Variants in FHIT observed in about 807,000 individuals in gnomAD.
FHIT encodes bis(5'-adenosyl)-triphosphatase.
Under a neutral mutation model 17.9 loss-of-function variants are expected in FHIT, and 19 were observed. That is an observed-to-expected ratio of 1.06 (90% CI 0.74 to 1.56). FHIT has a LOEUF of 1.56. Among genes scored for constraint, FHIT ranks in the 40% most tolerant of loss-of-function variants. The probability of loss-of-function intolerance (pLI) is 0.00; values close to 1 mark genes in which losing one functional copy is unlikely to be tolerated. For missense variants in FHIT, 248 were observed against 189.2 expected, an observed-to-expected ratio of 1.31 and a Z score of -1.82; for synonymous variants, 81 against 69.7, an observed-to-expected ratio of 1.16 and a Z score of -0.81.
At chr3:60,206,057 C>T (rs534020087) in intron 5 of FHIT, among the ~76,000 whole-genome samples, 12 of 149,848 alleles carry the variant, frequency 8.0e-5, no homozygotes, top group Non-Finnish European at 1.6e-4. Context: ...GGCGTGAACC[C>T]GGGAGGCGGA....
chr3:61,195,498 C>T (rs959018206), intron 2 of FHIT, among the ~76,000 whole-genome samples: 14 of 152,000 alleles, frequency 9.2e-5, no homozygotes, highest in African/African-American at 3.1e-4. Flanking sequence ...ATGGTAATTA[C>T]GGTAATGATA....
intron 3 of FHIT, among the ~76,000 whole-genome samples, chr3:60,925,538 C>T (rs1471660955): frequency 6.6e-6 from 1 of 152,190 alleles, no homozygotes; most frequent in Admixed American, 6.5e-5. Flanking sequence ...CCAGGCCTGC[C>T]TTACAAGAGC....
intron 8 of FHIT, among the ~76,000 whole-genome samples, chr3:59,788,474 G>A (rs1422228441): frequency 6.6e-6 from 1 of 152,156 alleles, no homozygotes; most frequent in Non-Finnish European, 1.5e-5. Flanking sequence ...TGCACATGCT[G>A]TTCCTCTGCC....
intron 4 of FHIT, among the ~76,000 whole-genome samples, chr3:60,701,477 C>T (rs1000889415): frequency 2.0e-5 from 3 of 151,708 alleles, no homozygotes; most frequent in African/African-American, 2.4e-5. Flanking sequence ...GATAGGGGGT[C>T]GGAAAGGGGG....
At chr3:60,384,994 G>T (rs1469158459) in intron 5 of FHIT, among the ~76,000 whole-genome samples, 6 of 152,046 alleles carry the variant, frequency 3.9e-5, no homozygotes, top group African/African-American at 7.2e-5. Context: ...GGCCTTCTAA[G>T]CAGAAAAAAT....
intron 7 of FHIT, among the ~76,000 whole-genome samples, chr3:59,986,540 T>TATATATACACACACACAC (rs1473518719): frequency 1.9e-3 from 23 of 12,372 alleles, no homozygotes; most frequent in Non-Finnish European, 5.4e-4. Flanking sequence ...TATATATATA[T>TATATATACACACACACAC]ACACACACAC....
At chr3:60,477,706 G>A (rs142307735) in intron 5 of FHIT, among the ~76,000 whole-genome samples, 1 of 152,316 alleles carries the variant, frequency 6.6e-6, no homozygotes, top group East Asian at 1.9e-4. Context: ...GTATAGGCAT[G>A]TAGATATAAA....
intron 5 of FHIT, among the ~76,000 whole-genome samples, chr3:60,067,564 CAGGTACT>C (rs1702571241): frequency 6.6e-6 from 1 of 152,188 alleles, no homozygotes; most frequent in African/African-American, 2.4e-5. Flanking sequence ...AGAGAGCCCA[CAGGTACT>C]ATCTGGCTCA....
At chr3:60,995,195 C>T (rs918025932) in intron 3 of FHIT, among the ~76,000 whole-genome samples, 1 of 152,048 alleles carries the variant, frequency 6.6e-6, no homozygotes, top group African/African-American at 2.4e-5. Flanking sequence ...GTGGCAGGCG[C>T]CTGAGTCCCA....
chr3:60,021,868 G>A (rs1272672884), intron 5 of FHIT, among the ~76,000 whole-genome samples: 2 of 152,094 alleles, frequency 1.3e-5, no homozygotes, highest in Admixed American at 6.6e-5. Context: ...CTGCTTCCAC[G>A]GGATGCTGTT....
chr3:60,989,595 TC>T (rs1237905873), intron 3 of FHIT, among the ~76,000 whole-genome samples: 1 of 152,188 alleles, frequency 6.6e-6, no homozygotes, highest in Non-Finnish European at 1.5e-5. Context: ...GGTTAGTAAA[TC>T]TTTGAAGTTC....
intron 5 of FHIT, among the ~76,000 whole-genome samples, chr3:60,225,830 C>A (rs544394852): frequency 6.6e-6 from 1 of 152,232 alleles, no homozygotes; most frequent in South Asian, 2.1e-4. Context: ...AGACAGAATA[C>A]AGCATTCTCT....
intron 4 of FHIT, among the ~76,000 whole-genome samples, chr3:60,801,334 T>C (rs556453115): frequency 1.3e-5 from 2 of 152,316 alleles, no homozygotes; most frequent in South Asian, 4.1e-4. Context: ...GCAAGAGGCT[T>C]CAGGTCACAC....
chr3:60,777,361 C>T (rs531702245), intron 4 of FHIT, among the ~76,000 whole-genome samples: 1 of 152,316 alleles, frequency 6.6e-6, no homozygotes, highest in Admixed American at 6.5e-5. Context: ...CGGAGCCTTC[C>T]AGGCTATAGG....
intron 3 of FHIT, among the ~76,000 whole-genome samples, chr3:60,941,596 C>A (rs967254142): frequency 6.6e-6 from 1 of 152,052 alleles, no homozygotes; most frequent in African/African-American, 2.4e-5. Flanking sequence ...TTTCTACTGA[C>A]TATGTTCTTA....
chr3:60,222,518 G>C (rs1304450941), intron 5 of FHIT, among the ~76,000 whole-genome samples: 5 of 152,174 alleles, frequency 3.3e-5, no homozygotes, highest in Non-Finnish European at 7.3e-5. Flanking sequence ...AGGCCAGGCA[G>C]GGTGGCTCAC....
At position 59,933,878 on chromosome 3, in the gene FHIT, G is replaced by T. The variant is rs567382968; in HGVS notation, c.280-11464C>A. Among the ~76,000 whole-genome samples, 7 of 152,246 alleles carry T rather than the reference G, an allele frequency of 4.6e-5. No individual in the cohort carries two copies. The South Asian group carries it at 1.5e-3, about 32-fold the overall frequency. On this transcript the variant is annotated intron_variant, in intron 7 of 9. Transcript: ENST00000492590. ...AACAAAGAAGAAAGGAAAGAAAGAA[G>T]GCTCTGTGAAAGTTTTTAAAGAATG...
chr3:61,210,588 C>T (rs1019080434), intron 1 of FHIT, among the ~76,000 whole-genome samples: 5 of 152,332 alleles, frequency 3.3e-5, no homozygotes, highest in Non-Finnish European at 2.9e-5. Flanking sequence ...GCTCCGTGGG[C>T]GTAGGGCCCT....
At chr3:60,965,349 T>C (rs1709672690) in intron 3 of FHIT, among the ~76,000 whole-genome samples, 1 of 152,120 alleles carries the variant, frequency 6.6e-6, no homozygotes, top group African/African-American at 2.4e-5. Context: ...TTTTTCAAGG[T>C]TTTTAGCTTC....
Sources: gnomAD v4.1 joint callset for allele counts (sites outside exome capture counted in the v4.1 genomes callset) on GRCh38, gnomAD v4.1.1 for gene constraint, MANE v1.5 for transcripts, NCBI Gene and HGNC (gene_info 2026-07-23, HGNC 2026-07-21) for gene names.